The following CSMD1 variants were observed in gnomAD, a reference collection of about 807,000 sequenced individuals.
CSMD1 encodes the protein CUB and sushi domain-containing protein 1.
In CSMD1, 213 loss-of-function variants were observed where a neutral mutation model predicts 417.5. The observed-to-expected ratio is 0.51, with a 90% CI of 0.46 to 0.57. CSMD1 has a LOEUF of 0.57. Among genes scored for constraint, CSMD1 ranks in the 20% least tolerant of loss-of-function variants. The probability of loss-of-function intolerance (pLI) is 0.00; values close to 1 mark genes in which losing one functional copy is unlikely to be tolerated. For synonymous variants in CSMD1, 2,862 were observed against 1,736.8 expected, an observed-to-expected ratio of 1.65 and a Z score of -16.11; for missense variants, 6,923 against 4,529.7, an observed-to-expected ratio of 1.53 and a Z score of -15.17.
chr8:3,441,511 A>ATATATATG (rs2117063256), intron 12 of CSMD1, among the ~76,000 whole-genome samples: 1 of 42,824 alleles, frequency 2.3e-5, no homozygotes, highest in Non-Finnish European at 5.2e-5. Flanking sequence ...ATATATATAT[A>ATATATATG]CACACACACA....
chr8:4,112,027 A>G (rs1408268216), intron 3 of CSMD1, among the ~76,000 whole-genome samples: 1 of 151,618 alleles, frequency 6.6e-6, no homozygotes, highest in Non-Finnish European at 1.5e-5. Context: ...CATGAAATGT[A>G]TAAAAATCTA....
intron 23 of CSMD1, among the ~76,000 whole-genome samples, chr8:3,320,354 G>A (rs896521940): frequency 2.0e-5 from 3 of 152,014 alleles, no homozygotes; most frequent in Non-Finnish European, 2.9e-5. Flanking sequence ...AGCTGTGAAG[G>A]GCACTGCTTA....
At chr8:4,361,946 C>T (rs932901879) in intron 3 of CSMD1, among the ~76,000 whole-genome samples, 5 of 151,938 alleles carry the variant, frequency 3.3e-5, no homozygotes, top group African/African-American at 9.7e-5. Context: ...GCCTGGGCAA[C>T]ACAGCAAGAC....
At chr8:4,785,712 C>T (rs1486059531) in intron 1 of CSMD1, among the ~76,000 whole-genome samples, 1 of 152,076 alleles carries the variant, frequency 6.6e-6, no homozygotes, top group Non-Finnish European at 1.5e-5. Context: ...GAGGATCACC[C>T]TTTATAATAG....
Position 2,985,311 on chromosome 8 carries a change from G to A in CSMD1, c.8378-6511C>T, listed in dbSNP as rs144092703. Among the ~76,000 whole-genome samples the A allele has an allele frequency of 2.1e-3, 324 of 150,946 alleles. 7 individuals are homozygous for A. Among genetic ancestry groups the A allele is most frequent in the Middle Eastern group, 6.9e-3 (2 of 290 alleles). ...CGCAAAACACATGATATTTCCACAT[G>A]TAAGTGAGGGAGGAGACTGTGGTGT... On this transcript the variant is annotated intron_variant, in intron 54 of 69. Transcript: ENST00000635120.
At chr8:3,783,995 C>G (rs80154333) in intron 5 of CSMD1, among the ~76,000 whole-genome samples, 2 of 152,308 alleles carry the variant, frequency 1.3e-5, no homozygotes, top group Middle Eastern at 3.4e-3. Context: ...GGTGCCTGAC[C>G]TTTCTTATTT....
intron 4 of CSMD1, among the ~76,000 whole-genome samples, chr8:4,013,547 C>G (rs1434496171): frequency 1.3e-5 from 2 of 152,174 alleles, no homozygotes; most frequent in Admixed American, 6.5e-5. Context: ...AATTACATGT[C>G]AGCTTCTCAG....
chr8:4,943,301 C>G (rs1396699035), intron 1 of CSMD1, among the ~76,000 whole-genome samples: 1 of 152,026 alleles, frequency 6.6e-6, no homozygotes, highest in Non-Finnish European at 1.5e-5. Flanking sequence ...CAAGATCGTC[C>G]TGGCTGACAC....
intron 2 of CSMD1, among the ~76,000 whole-genome samples, chr8:4,629,652 G>A (rs888655481): frequency 2.6e-5 from 4 of 152,114 alleles, no homozygotes; most frequent in Admixed American, 2.6e-4. Context: ...TGCCTAGAAA[G>A]ACACTTAGAC....
intron 39 of CSMD1, among the ~76,000 whole-genome samples, chr8:3,156,839 G>T (rs1054410411): frequency 1.3e-5 from 2 of 151,924 alleles, no homozygotes; most frequent in African/African-American, 4.8e-5. Context: ...TTTAGGAGGG[G>T]ACTGTGCCAT....
intron 12 of CSMD1, among the ~76,000 whole-genome samples, chr8:3,457,843 G>A (rs922080429): frequency 6.6e-6 from 1 of 152,156 alleles, no homozygotes; most frequent in African/African-American, 2.4e-5. Flanking sequence ...GATCCCAGTG[G>A]TAAAGATGTG....
At chr8:4,918,951 A>G (rs1319600197) in intron 1 of CSMD1, among the ~76,000 whole-genome samples, 1 of 152,120 alleles carries the variant, frequency 6.6e-6, no homozygotes, top group African/African-American at 2.4e-5. Context: ...TTTGGTTTAT[A>G]TTTTTTTCCT....
intron 3 of CSMD1, among the ~76,000 whole-genome samples, chr8:4,107,774 G>A (rs1244822445): frequency 6.6e-6 from 1 of 152,182 alleles, no homozygotes; most frequent in African/African-American, 2.4e-5. Context: ...GCACGAGGCT[G>A]TCACCACCTG....
At chr8:3,652,063 T>C (rs1585021064) in intron 7 of CSMD1, among the ~76,000 whole-genome samples, 1 of 146,888 alleles carries the variant, frequency 6.8e-6, no homozygotes, top group African/African-American at 2.6e-5. Flanking sequence ...CCATCGCACT[T>C]ACCCCCATCA....
At chr8:4,673,816 C>T (rs1011209588) in intron 1 of CSMD1, among the ~76,000 whole-genome samples, 2 of 152,132 alleles carry the variant, frequency 1.3e-5, no homozygotes, top group African/African-American at 4.8e-5. Context: ...CATATATCCA[C>T]AGAGACTAAA....
intron 34 of CSMD1, among the ~76,000 whole-genome samples, chr8:3,189,431 T>C (rs979280468): frequency 1.3e-5 from 2 of 152,238 alleles, no homozygotes; most frequent in African/African-American, 2.4e-5. Context: ...GCTTAAAATG[T>C]ACAAATGATT....
At chr8:3,960,199 C>T (rs1048244174) in intron 5 of CSMD1, among the ~76,000 whole-genome samples, 6 of 152,140 alleles carry the variant, frequency 3.9e-5, no homozygotes, top group Non-Finnish European at 8.8e-5. Flanking sequence ...ATTTTTCTTT[C>T]AATCATGGAA....
intron 26 of CSMD1, among the ~76,000 whole-genome samples, chr8:3,254,668 A>G (rs1442333641): frequency 2.0e-5 from 3 of 152,108 alleles, no homozygotes; most frequent in East Asian, 1.9e-4. Flanking sequence ...CGAATTGGCT[A>G]TTGAGACTTG....
intron 10 of CSMD1, among the ~76,000 whole-genome samples, chr8:3,526,489 C>A (rs1797759602): frequency 6.6e-6 from 1 of 152,194 alleles, no homozygotes; most frequent in Non-Finnish European, 1.5e-5. Flanking sequence ...AATTTGCTCT[C>A]TGGACCAAGC....
Sources: allele counts gnomAD v4.1 joint callset (sites outside exome capture counted in the v4.1 genomes callset), GRCh38; gene constraint gnomAD v4.1.1; transcripts MANE v1.5; gene names NCBI Gene and HGNC (gene_info 2026-07-23, HGNC 2026-07-21).